Variants in TMEM70 observed in about 807,000 individuals in gnomAD.
TMEM70 encodes the protein transmembrane protein 70.
Under a neutral mutation model 20.5 loss-of-function variants are expected in TMEM70, and 15 were observed. That is an observed-to-expected ratio of 0.73 (90% confidence interval 0.49 to 1.13). TMEM70 has a LOEUF of 1.13. Ranked by LOEUF, TMEM70 falls within the 50% of genes most tolerant of loss-of-function variation. TMEM70 has a pLI of 0.00. For missense variants in TMEM70, 344 were observed against 331.7 expected, an observed-to-expected ratio of 1.04 and a Z score of -0.29; for synonymous variants, 141 against 134.2, an observed-to-expected ratio of 1.05 and a Z score of -0.35.
intron 1 of TMEM70, 56 bp from the exon 2 acceptor site, chr8:73,978,700 A>C: frequency 6.3e-7 from 1 of 1,595,808 alleles, no homozygotes; most frequent in Non-Finnish European, 8.6e-7. Flanking sequence ...CTCAAAAAAA[A>C]AAACTTAAAA....
chr8:73,981,850 A>G lies in TMEM70; in HGVS notation c.*229A>G, dbSNP rs145559664. The G allele has an allele frequency of 6.4e-6, 4 of 626,348 alleles. No individual in the cohort carries two copies. The highest frequency in any genetic ancestry group is 6.5e-5 in the East Asian group (2 of 30,750). 38.8% of individuals were successfully genotyped at this position (626,348 alleles called of 1,614,324 possible). A position where few individuals can be genotyped will look rare whatever the true frequency, so the allele number is the denominator to read the frequency against. ...GAAAGGTATGTGAATAAATATGTTCATGCTAGTATAAGAGTTCTGTGTTAC... is the reference window on the plus strand; with the variant it reads ...GAAAGGTATGTGAATAAATATGTTCGTGCTAGTATAAGAGTTCTGTGTTAC... On this transcript the variant is annotated 3_prime_UTR_variant, in exon 3 of 3. Transcript: ENST00000312184.
At position 73,982,560 on chromosome 8, in the gene TMEM70, G is replaced by C. The variant is rs752676288; in HGVS notation, c.*939G>C. On this transcript the variant is annotated 3_prime_UTR_variant, in exon 3 of 3. Transcript: ENST00000312184. ...TTCAAGAAATTCACAAATTATGGGA[G>C]CAGTTTTAAGTCTTCTTTGGTTCAG... The C allele has an allele frequency of 4.0e-6, 2 of 506,288 alleles. No homozygotes were observed. Among genetic ancestry groups the C allele is most frequent in the Non-Finnish European group, 7.7e-6 (2 of 259,588 alleles). The allele number at this position is 506,288 out of a possible 1,614,324, so 31.4% of individuals were successfully genotyped here. A position where few individuals can be genotyped will look rare whatever the true frequency, so the allele number is the denominator to read the frequency against.
Position 73,976,237 on chromosome 8 carries a change from G to T in TMEM70, c.-45G>T. 1 of 1,546,926 alleles carries T rather than the reference G, an allele frequency of 6.5e-7. No homozygotes were observed. Among genetic ancestry groups the T allele is most frequent in the Non-Finnish European group, 8.8e-7 (1 of 1,139,208 alleles). ...GTGGGAAGCCGTGTCTCGCAGTCGT[G>T]GACTCGTGCAGCTGGGGCGTCCGCA... On this transcript the variant is annotated 5_prime_UTR_variant, in exon 1 of 3. Coordinates refer to ENST00000312184, the MANE Select transcript of TMEM70 (RefSeq NM_017866.6).
rs562374948 is a variant in TMEM70, at chr8:73,976,434, C to A, written c.153C>A (p.Gly51=). Residue 51 remains glycine (G), a synonymous_variant, in exon 1 of 3, where the codon GGC becomes GGA. Coordinates refer to ENST00000312184, the MANE Select transcript of TMEM70 (RefSeq NM_017866.6). Reference sequence around the variant, plus strand: ...GCGGGCCTTCGGGGCCGGTAGCCGGCTGGAGTACGGGGCCTTCGGGAGCCG... The same window carrying A: ...GCGGGCCTTCGGGGCCGGTAGCCGGATGGAGTACGGGGCCTTCGGGAGCCG... ...SSSGPSGPVA[G]WSTGPSGAAR... The A allele has an allele frequency of 1.4e-5, 22 of 1,572,214 alleles. No individual in the cohort carries two copies. The African/African-American group carries it at 1.9e-4, about 13-fold the overall frequency.
In TMEM70 at chr8:73,976,301, G is replaced by C; in HGVS notation, c.20G>C (p.Gly7Ala). 2.5e-6 allele frequency: 4 copies of C among 1,600,814 alleles called. No homozygotes were observed. Among genetic ancestry groups the C allele is most frequent in the Non-Finnish European group, 3.4e-6 (4 of 1,179,568 alleles). Residue 7 changes from glycine to alanine, a missense_variant, in exon 1 of 3, where the codon GGC becomes GCC. By Grantham distance (60) the Gly-to-Ala change is moderately conservative. Coordinates refer to ENST00000312184, the MANE Select transcript of TMEM70 (RefSeq NM_017866.6). MLFLAL[G>A]SPWAVELPLC... ...CGCGTGATGCTGTTTCTGGCGTTGG[G>C]CAGCCCGTGGGCGGTCGAACTGCCT...
Position 73,982,719 on chromosome 8 carries a change from C to G in TMEM70, c.*1098C>G, listed in dbSNP as rs1303738650. On this transcript the variant is annotated 3_prime_UTR_variant, in exon 3 of 3. Transcript: ENST00000312184. ...ATCTTAATTTGTTTCTGCAACTGTG[C>G]ACTCCTCCCTTGGTGGCACCCTATG... 1 of 455,900 alleles carries G rather than the reference C, an allele frequency of 2.2e-6. No homozygotes were observed. The highest frequency in any genetic ancestry group is 2.0e-5 in the African/African-American group (1 of 50,218). 28.2% of individuals were successfully genotyped at this position (455,900 alleles called of 1,614,324 possible). A position where few individuals can be genotyped will look rare whatever the true frequency, so the allele number is the denominator to read the frequency against.
At chr8:73,976,620 C>CT in intron 1 of TMEM70, 129 bp downstream of exon 1, 1 of 952,398 alleles carries the variant, frequency 1.0e-6, no homozygotes, top group Non-Finnish European at 1.5e-6. Context: ...GAGGAGCCCC[C>CT]TCTGCGGGGC....
chr8:73,979,336 T>C (rs893347927), intron 2 of TMEM70, among the ~76,000 whole-genome samples: 1 of 152,194 alleles, frequency 6.6e-6, no homozygotes, highest in Non-Finnish European at 1.5e-5. Context: ...GCCTCTATTA[T>C]GTTTTAATAT....
chr8:73,979,992 T>C (rs138005876), intron 2 of TMEM70, among the ~76,000 whole-genome samples: 3 of 152,348 alleles, frequency 2.0e-5, no homozygotes, highest in Non-Finnish European at 4.4e-5. Flanking sequence ...GTGCTGAGAT[T>C]ACAGGCATGA....
chr8:73,976,976 C>T (rs1035364262), intron 1 of TMEM70, among the ~76,000 whole-genome samples: 1 of 152,144 alleles, frequency 6.6e-6, no homozygotes, highest in African/African-American at 2.4e-5. Context: ...TCTTCTAATT[C>T]TACTCTGTAA....
intron 2 of TMEM70, 157 bp downstream of exon 2, chr8:73,979,018 A>G: frequency 3.4e-6 from 3 of 889,742 alleles, no homozygotes; most frequent in Non-Finnish European, 1.8e-6. Context: ...TGTTGATAAG[A>G]TGTAGAGACC....
chr8:73,979,673 C>G (rs1313822155), intron 2 of TMEM70, among the ~76,000 whole-genome samples: 1 of 151,952 alleles, frequency 6.6e-6, no homozygotes, highest in African/African-American at 2.4e-5. Context: ...GTGGTGTGAT[C>G]ATAGTTCACT....
At position 73,976,476 on chromosome 8, in the gene TMEM70, T is replaced by C; in HGVS notation, c.195T>C (p.Arg65=). 6.5e-7 allele frequency: 1 copy of C among 1,539,542 alleles called. No homozygotes were observed. Among genetic ancestry groups the C allele is most frequent in the Non-Finnish European group, 8.7e-7 (1 of 1,148,958 alleles). The change falls in exon 1 of 3, where the codon CGT becomes CGC. Residue 65 remains arginine, a synonymous_variant. Transcript: ENST00000312184. ...GPSGAARLLR[R]PGRAQIPVYW... Reference sequence around the variant, plus strand: ...CGGGAGCCGCGCGCCTTCTCCGGCGTCCGGGTCGAGCGCAGGTAGGGCGTC... The same window carrying C: ...CGGGAGCCGCGCGCCTTCTCCGGCGCCCGGGTCGAGCGCAGGTAGGGCGTC...
intron 1 of TMEM70, among the ~76,000 whole-genome samples, chr8:73,977,133 G>A (rs1376925992): frequency 6.6e-6 from 1 of 152,110 alleles, no homozygotes; most frequent in Non-Finnish European, 1.5e-5. Flanking sequence ...TCAGATGTAT[G>A]GGGAACGCTT....
Position 73,981,375 on chromosome 8 carries a change from T to C in TMEM70, c.537T>C (p.Tyr179=), listed in dbSNP as rs375635365. The C allele has an allele frequency of 5.0e-6, 8 of 1,614,240 alleles. No individual in the cohort carries two copies. The highest frequency in any genetic ancestry group is 4.5e-5 in the East Asian group (2 of 44,878). The change falls in exon 3 of 3, where the codon TAT becomes TAC. Residue 179 remains tyrosine (Y), a synonymous_variant. Coordinates refer to ENST00000312184, the MANE Select transcript of TMEM70 (RefSeq NM_017866.6). The part of the protein sequence containing the change: ...RLYHEATTDT[Y]KAITYNAMLA... The stretch of plus-strand genomic sequence containing the variant: ...ACCATGAGGCCACAACAGACACTTA[T>C]AAAGCCATTACCTACAATGCTATGC...
In TMEM70 at chr8:73,976,256, G is replaced by A; in HGVS notation, c.-26G>A. Reference sequence around the variant, plus strand: ...AGTCGTGGACTCGTGCAGCTGGGGCGTCCGCAGCCGCTCGTCACCCGCGTG... The same window carrying A: ...AGTCGTGGACTCGTGCAGCTGGGGCATCCGCAGCCGCTCGTCACCCGCGTG... On this transcript the variant is annotated 5_prime_UTR_variant, in exon 1 of 3. Coordinates refer to ENST00000312184, the MANE Select transcript of TMEM70 (RefSeq NM_017866.6). 3.8e-6 allele frequency: 6 copies of A among 1,591,824 alleles called. No homozygotes were observed. Among genetic ancestry groups the A allele is most frequent in the Non-Finnish European group, 5.1e-6 (6 of 1,175,566 alleles).
Position 73,981,746 on chromosome 8 carries a change from T to A in TMEM70, c.*125T>A. On this transcript the variant is annotated 3_prime_UTR_variant, in exon 3 of 3. Transcript: ENST00000312184. Reference sequence around the variant, plus strand: ...ATTTGAAATTATCAAAGCTTTTAATTTCCAGAGAATGATGTTTGTTTATAA... The same window carrying A: ...ATTTGAAATTATCAAAGCTTTTAATATCCAGAGAATGATGTTTGTTTATAA... 1 of 805,168 alleles carries A rather than the reference T, an allele frequency of 1.2e-6. No homozygotes were observed. Among genetic ancestry groups the A allele is most frequent in the East Asian group, 2.7e-5 (1 of 37,644 alleles). 49.9% of individuals were successfully genotyped at this position (805,168 alleles called of 1,614,324 possible).
chr8:73,976,309 T>C lies in TMEM70; in HGVS notation c.28T>C (p.Trp10Arg), dbSNP rs200602330. 1 of 1,600,878 alleles carries C rather than the reference T, an allele frequency of 6.2e-7. No individual in the cohort carries two copies. Among genetic ancestry groups the C allele is most frequent in the Non-Finnish European group, 8.5e-7 (1 of 1,179,576 alleles). Residue 10 changes from tryptophan (W) to arginine (R), a missense_variant, in exon 1 of 3, where the codon TGG becomes CGG. Physicochemically the swap from Trp to Arg is moderately radical, Grantham distance 101. Transcript: ENST00000312184. MLFLALGSP[W>R]AVELPLCGRR... is the part of the protein sequence containing the mutation. ...GCTGTTTCTGGCGTTGGGCAGCCCGTGGGCGGTCGAACTGCCTCTCTGCGG... is the reference window on the plus strand; with the variant it reads ...GCTGTTTCTGGCGTTGGGCAGCCCGCGGGCGGTCGAACTGCCTCTCTGCGG...
Position 73,981,529 on chromosome 8 carries a change from GACTATATCCA to G in TMEM70, c.692_701del (p.Asp231ValfsTer2). On this transcript the variant is annotated frameshift_variant, in exon 3 of 3. Coordinates refer to ENST00000312184, the MANE Select transcript of TMEM70 (RefSeq NM_017866.6). LOFTEE classifies it high-confidence loss of function. The stretch of plus-strand genomic sequence containing the variant: ...TCCAGTGCTCTTTCCAAACCGTGAA[GACTATATCCA>G]TCTAATGGGTTATGACAAAGAAGAA... The G allele has an allele frequency of 6.2e-7, 1 of 1,613,880 alleles. No individual in the cohort carries two copies. The highest frequency in any genetic ancestry group is 8.5e-7 in the Non-Finnish European group (1 of 1,179,908).
Sources: allele counts gnomAD v4.1 joint callset (sites outside exome capture counted in the v4.1 genomes callset), GRCh38; gene constraint gnomAD v4.1.1; transcripts MANE v1.5; gene names NCBI Gene and HGNC (gene_info 2026-07-23, HGNC 2026-07-21).